The following KIAA0825 variants were observed in gnomAD, a reference collection of about 807,000 sequenced individuals.
The protein encoded by KIAA0825 is uncharacterized protein KIAA0825.
Under a neutral mutation model 147.6 loss-of-function variants are expected in KIAA0825, and 119 were observed. The observed-to-expected ratio is 0.81, with a 90% CI of 0.69 to 0.94. KIAA0825 has a LOEUF of 0.94. Ranked by LOEUF, KIAA0825 falls within the 40% of genes least tolerant of loss-of-function variation. KIAA0825 has a pLI of 0.00. For synonymous variants in KIAA0825, 470 were observed against 518.1 expected, an observed-to-expected ratio of 0.91 and a Z score of 1.26; for missense variants, 1,381 against 1,472.7, an observed-to-expected ratio of 0.94 and a Z score of 1.02.
At chr5:94,518,952 A>AT (rs773718494) in intron 5 of KIAA0825, among the ~76,000 whole-genome samples, 10 of 151,666 alleles carry the variant, frequency 6.6e-5, no homozygotes, top group East Asian at 3.9e-4. Flanking sequence ...AGTAAGCAGG[A>AT]TTTTTTTTTC....
At chr5:94,581,347 T>C (rs944449485) in intron 2 of KIAA0825, among the ~76,000 whole-genome samples, 2 of 152,232 alleles carry the variant, frequency 1.3e-5, no homozygotes, top group African/African-American at 4.8e-5. Context: ...ATAAATTAGC[T>C]GTCTCTCACC....
intron 20 of KIAA0825, among the ~76,000 whole-genome samples, chr5:94,241,228 A>G (rs1194675583): frequency 6.6e-6 from 1 of 152,240 alleles, no homozygotes; most frequent in Non-Finnish European, 1.5e-5. Flanking sequence ...TAAAAAAAGA[A>G]CCAGCAAAGT....
At chr5:94,382,421 A>G (rs1748542971) in intron 20 of KIAA0825, among the ~76,000 whole-genome samples, 1 of 152,258 alleles carries the variant, frequency 6.6e-6, no homozygotes, top group African/African-American at 2.4e-5. Flanking sequence ...ATATTAAACA[A>G]AACTCATAAA....
intron 2 of KIAA0825, among the ~76,000 whole-genome samples, chr5:94,547,169 G>A (rs1365716718): frequency 5.3e-5 from 8 of 151,604 alleles, no homozygotes; most frequent in Admixed American, 1.3e-4. Flanking sequence ...ACAGTCAGAG[G>A]AGACAAAAGA....
chr5:94,551,156 A>G (rs1775459260), intron 2 of KIAA0825, among the ~76,000 whole-genome samples: 1 of 151,856 alleles, frequency 6.6e-6, no homozygotes, highest in African/African-American at 2.4e-5. Context: ...GAACTTAAAG[A>G]CAGGCTTTTG....
At chr5:94,187,271 A>C (rs1770204749) in intron 20 of KIAA0825, among the ~76,000 whole-genome samples, 2 of 151,778 alleles carry the variant, frequency 1.3e-5, no homozygotes, top group South Asian at 4.2e-4. Flanking sequence ...GGCAAAGAAA[A>C]CTAGCATTTT....
At chr5:94,466,456 A>C (rs1013958842) in intron 10 of KIAA0825, among the ~76,000 whole-genome samples, 1 of 152,112 alleles carries the variant, frequency 6.6e-6, no homozygotes, top group African/African-American at 2.4e-5. Flanking sequence ...AAGAAATTAC[A>C]CACCTGTAAT....
At chr5:94,507,747 G>A (rs1765931473) in intron 5 of KIAA0825, among the ~76,000 whole-genome samples, 2 of 150,720 alleles carry the variant, frequency 1.3e-5, no homozygotes, top group Non-Finnish European at 3.0e-5. Flanking sequence ...AGGAAAAGCA[G>A]AAGAAAACAA....
intron 18 of KIAA0825, among the ~76,000 whole-genome samples, chr5:94,388,774 T>C (rs1002456258): frequency 3.3e-5 from 5 of 152,322 alleles, no homozygotes; most frequent in African/African-American, 1.2e-4. Context: ...ACTGTGACAT[T>C]GCTTTAATCA....
chr5:94,267,845 G>A (rs976929310), intron 20 of KIAA0825, among the ~76,000 whole-genome samples: 3 of 151,946 alleles, frequency 2.0e-5, no homozygotes, highest in African/African-American at 7.3e-5. Flanking sequence ...TTTGATTCAT[G>A]GACAGATAAA....
At chr5:94,446,685 T>C (rs1431539614) in intron 13 of KIAA0825, among the ~76,000 whole-genome samples, 1 of 152,168 alleles carries the variant, frequency 6.6e-6, no homozygotes, top group Non-Finnish European at 1.5e-5. Context: ...CTGCAGCTAT[T>C]GTAGCCTATG....
chr5:94,429,635 T>C (rs1189083232), intron 14 of KIAA0825, among the ~76,000 whole-genome samples: 1 of 152,146 alleles, frequency 6.6e-6, no homozygotes, highest in African/African-American at 2.4e-5. Flanking sequence ...ATTCGTGAGA[T>C]GTACAGTGGT....
Position 94,151,192 on chromosome 5 carries a change from T to G in KIAA0825, c.*2815A>C, listed in dbSNP as rs1020740800. On this transcript the variant is annotated 3_prime_UTR_variant, in exon 21 of 21. Transcript: ENST00000682413. ...CAGCACTTTGGGAGGCCGAGGCGGGTGGATCATGAGGTCAGGAGATCGAGA... is the reference window on the plus strand; with the variant it reads ...CAGCACTTTGGGAGGCCGAGGCGGGGGGATCATGAGGTCAGGAGATCGAGA... Among the ~76,000 whole-genome samples the G allele has an allele frequency of 3.5e-5, 5 of 141,926 alleles. No homozygotes were observed. Among genetic ancestry groups the G allele is most frequent in the Non-Finnish European group, 7.7e-5 (5 of 64,648 alleles). 93.1% of individuals were successfully genotyped at this position (141,926 alleles called of 152,430 possible).
intron 20 of KIAA0825, among the ~76,000 whole-genome samples, chr5:94,236,773 A>G (rs1775065161): frequency 1.3e-5 from 2 of 152,200 alleles, no homozygotes; most frequent in African/African-American, 4.8e-5. Flanking sequence ...CTTCGAGACA[A>G]GACTCTACAC....
At chr5:94,167,290 G>T (rs913825351) in intron 20 of KIAA0825, among the ~76,000 whole-genome samples, 1 of 152,084 alleles carries the variant, frequency 6.6e-6, no homozygotes, top group African/African-American at 2.4e-5. Flanking sequence ...AATCAACATT[G>T]TTCTTTTTAG....
At chr5:94,375,761 G>C (rs530252570) in intron 20 of KIAA0825, among the ~76,000 whole-genome samples, 2 of 152,128 alleles carry the variant, frequency 1.3e-5, no homozygotes, top group Non-Finnish European at 2.9e-5. Flanking sequence ...GAGCTTGAAC[G>C]GGGGGAGACA....
intron 20 of KIAA0825, among the ~76,000 whole-genome samples, chr5:94,314,830 A>G (rs1289210862): frequency 6.6e-6 from 1 of 151,594 alleles, no homozygotes. Flanking sequence ...ATATTCTGCT[A>G]AAAGGGGCTT....
intron 14 of KIAA0825, among the ~76,000 whole-genome samples, chr5:94,436,123 A>G (rs1171971224): frequency 6.6e-6 from 1 of 152,094 alleles, no homozygotes; most frequent in East Asian, 1.9e-4. Context: ...GAATCTCTTT[A>G]GTTCAATTAG....
chr5:94,267,338 C>A (rs188566826), intron 20 of KIAA0825, among the ~76,000 whole-genome samples: 1 of 152,006 alleles, frequency 6.6e-6, no homozygotes, highest in East Asian at 1.9e-4. Flanking sequence ...TGGACTCAAT[C>A]AACATATTTA....
Sources: allele counts gnomAD v4.1 joint callset (sites outside exome capture counted in the v4.1 genomes callset), GRCh38; gene constraint gnomAD v4.1.1; transcripts MANE v1.5; gene names NCBI Gene and HGNC (gene_info 2026-07-23, HGNC 2026-07-21).